The following ZRANB3 variants were observed in gnomAD, a reference collection of about 807,000 sequenced individuals.
The protein encoded by ZRANB3 is DNA annealing helicase and endonuclease ZRANB3.
A neutral mutation model predicts 133.8 loss-of-function variants in ZRANB3; 125 were observed. That is an observed-to-expected ratio of 0.93 (90% CI 0.81 to 1.08). The LOEUF is 1.08. Among genes scored for constraint, ZRANB3 ranks in the 50% least tolerant of loss-of-function variants. The probability of loss-of-function intolerance (pLI) is 0.00; values close to 1 mark genes in which losing one functional copy is unlikely to be tolerated. For missense variants in ZRANB3, 1,229 were observed against 1,275.5 expected (o/e 0.96, Z 0.56); for synonymous variants, 387 against 432.7 (o/e 0.89, Z 1.31).
At chr2:135,260,769 AACTATATATATTCTATAT>A (rs1679920005) in intron 12 of ZRANB3, among the ~76,000 whole-genome samples, 1 of 145,618 alleles carries the variant, frequency 6.9e-6, no homozygotes, top group South Asian at 2.1e-4. Flanking sequence ...AGTATATACA[AACTATATATATTCTATAT>A]ACTATATATA....
intron 2 of ZRANB3, among the ~76,000 whole-genome samples, chr2:135,469,800 C>T (rs1343109362): frequency 2.0e-5 from 3 of 150,342 alleles, no homozygotes; most frequent in African/African-American, 7.4e-5. Context: ...ATCATGAGGT[C>T]AGGAGATCGA....
At chr2:135,309,452 AAT>A (rs1682867035) in intron 8 of ZRANB3, among the ~76,000 whole-genome samples, 1 of 152,214 alleles carries the variant, frequency 6.6e-6, no homozygotes, top group African/African-American at 2.4e-5. Flanking sequence ...AAGAAATAAA[AAT>A]GTCTTTATGT....
intron 12 of ZRANB3, among the ~76,000 whole-genome samples, chr2:135,232,795 C>T (rs1373397491): frequency 1.3e-5 from 2 of 152,196 alleles, no homozygotes; most frequent in African/African-American, 4.8e-5. Context: ...CCCATCTATA[C>T]ATCACCATCA....
intron 1 of ZRANB3, among the ~76,000 whole-genome samples, chr2:135,524,113 T>A (rs964350237): frequency 2.0e-5 from 3 of 151,710 alleles, no homozygotes; most frequent in African/African-American, 7.3e-5. Context: ...TGAGAAAGAG[T>A]TTCGCTCTTG....
chr2:135,295,139 T>C (rs1189838099), intron 8 of ZRANB3, among the ~76,000 whole-genome samples: 2 of 152,154 alleles, frequency 1.3e-5, no homozygotes, highest in Non-Finnish European at 2.9e-5. Flanking sequence ...TGGGGTTAAC[T>C]TTCTGTCGCG....
chr2:135,498,601 G>C (rs1338970127), intron 2 of ZRANB3, among the ~76,000 whole-genome samples: 2 of 152,184 alleles, frequency 1.3e-5, no homozygotes, highest in Admixed American at 6.5e-5. Flanking sequence ...GGGAACAAGA[G>C]AGATAACCAT....
At chr2:135,513,288 T>G (rs910749225) in intron 1 of ZRANB3, among the ~76,000 whole-genome samples, 1 of 152,130 alleles carries the variant, frequency 6.6e-6, no homozygotes, top group Non-Finnish European at 1.5e-5. Context: ...GCTAGAGGAC[T>G]TCTACTTCCT....
intron 1 of ZRANB3, among the ~76,000 whole-genome samples, chr2:135,509,857 T>C (rs1455598258): frequency 6.6e-6 from 1 of 152,198 alleles, no homozygotes; most frequent in East Asian, 1.9e-4. Context: ...AGAATCAAAA[T>C]TGTCAAATTT....
rs537728732 is a variant in ZRANB3 at position 135,421,152 on chromosome 2, A to C, written c.162-30332T>G. ...GTCAAGCTGGATAAATTACAATTGA[A>C]GCAATTAACAATGAATTTGAAACAA... On this transcript the variant is annotated intron_variant, in intron 2 of 20. Transcript: ENST00000264159. Among the ~76,000 whole-genome samples the C allele has an allele frequency of 2.6e-5, 4 of 152,328 alleles. No individual in the cohort carries two copies. The East Asian group carries it at 7.7e-4, about 29-fold the overall frequency.
rs114685583 is a variant in ZRANB3, at chr2:135,501,778, T to C, written c.161+2551A>G. Among the ~76,000 whole-genome samples the C allele has an allele frequency of 5.6e-3, 860 of 152,304 alleles. 9 individuals are homozygous for C. The highest frequency in any genetic ancestry group is 0.02 in the African/African-American group (828 of 41,574). On this transcript the variant is annotated intron_variant, in intron 2 of 20. Transcript: ENST00000264159. The stretch of plus-strand genomic sequence containing the variant: ...CTGGATTAGTTGGACTGATTCGCCA[T>C]GATTCCTAGATCAAATGTTTCCAGT...
chr2:135,449,482 T>C (rs540284530), intron 2 of ZRANB3, among the ~76,000 whole-genome samples: 48 of 152,134 alleles, frequency 3.2e-4, no homozygotes, highest in Non-Finnish European at 6.8e-4. Flanking sequence ...TAGCCAAGTG[T>C]GGTGGTGGGC....
intron 6 of ZRANB3, among the ~76,000 whole-genome samples, chr2:135,319,162 T>TTA (rs1013681092): frequency 3.9e-5 from 6 of 152,324 alleles, no homozygotes; most frequent in African/African-American, 1.4e-4. Context: ...GACACTTTTG[T>TTA]TACTTAAACA....
At chr2:135,356,273 G>C (rs1191418289) in intron 3 of ZRANB3, among the ~76,000 whole-genome samples, 3 of 152,090 alleles carry the variant, frequency 2.0e-5, no homozygotes, top group Non-Finnish European at 4.4e-5. Context: ...AAATTGCAAA[G>C]AGAGTAGATT....
chr2:135,406,063 A>G (rs1184996216), intron 2 of ZRANB3, among the ~76,000 whole-genome samples: 1 of 152,178 alleles, frequency 6.6e-6, no homozygotes, highest in Non-Finnish European at 1.5e-5. Context: ...AACAAAATTG[A>G]TAGACCGCTA....
chr2:135,493,593 A>T (rs554800036), intron 2 of ZRANB3, among the ~76,000 whole-genome samples: 1 of 152,328 alleles, frequency 6.6e-6, no homozygotes, highest in African/African-American at 2.4e-5. Flanking sequence ...AGAAAGTACA[A>T]AGTAAAACAT....
At chr2:135,498,039 A>C (rs941226210) in intron 2 of ZRANB3, among the ~76,000 whole-genome samples, 1 of 151,730 alleles carries the variant, frequency 6.6e-6, no homozygotes, top group African/African-American at 2.4e-5. Flanking sequence ...GGCGACAGCG[A>C]GACTCTGTCT....
chr2:135,218,997 A>T, intron 16 of ZRANB3, 80 bp downstream of exon 16: 1 of 1,051,382 alleles, frequency 9.5e-7, no homozygotes, highest in Admixed American at 3.8e-5. Flanking sequence ...TTTTAAAATT[A>T]AACTAAAAAT....
At chr2:135,266,805 T>C (rs916082726) in intron 11 of ZRANB3, among the ~76,000 whole-genome samples, 2 of 151,750 alleles carry the variant, frequency 1.3e-5, no homozygotes, top group Non-Finnish European at 2.9e-5. Flanking sequence ...ACATTTACAA[T>C]CTATTCTGTC....
chr2:135,262,159 C>CAAAAA (rs755264566), intron 12 of ZRANB3, among the ~76,000 whole-genome samples: 1 of 63,944 alleles, frequency 1.6e-5, no homozygotes, highest in African/African-American at 4.9e-5. Flanking sequence ...ACTCCATCTC[C>CAAAAA]AAAAAAAAAA....
Sources: gnomAD v4.1 joint callset for allele counts (sites outside exome capture counted in the v4.1 genomes callset) on GRCh38, gnomAD v4.1.1 for gene constraint, MANE v1.5 for transcripts, NCBI Gene and HGNC (gene_info 2026-07-23, HGNC 2026-07-21) for gene names.